The following ST8SIA1 variants were observed in gnomAD, a reference collection of about 807,000 sequenced individuals.
ST8SIA1 encodes the protein alpha-N-acetylneuraminide alpha-2,8-sialyltransferase.
Under a neutral mutation model 35.9 loss-of-function variants are expected in ST8SIA1, and 16 were observed. The observed-to-expected ratio is 0.45, with a 90% CI of 0.30 to 0.68. The LOEUF is 0.68. ST8SIA1 is among the 30% of genes least tolerant of loss of function. ST8SIA1 has a pLI of 0.09. For missense variants in ST8SIA1, 383 were observed against 453.6 expected (o/e 0.84, Z 1.41); for synonymous variants, 170 against 169.6 (o/e 1.00, Z -0.02).
chr12:22,270,306 A>C (rs1865897521), intron 2 of ST8SIA1, among the ~76,000 whole-genome samples: 1 of 152,204 alleles, frequency 6.6e-6, no homozygotes, highest in South Asian at 2.1e-4. Context: ...TGCATGCAAA[A>C]CATTTAGCAA....
At chr12:22,322,303 T>C (rs2728826) in intron 1 of ST8SIA1, among the ~76,000 whole-genome samples, 86,505 of 152,058 alleles carry the variant, frequency 0.57, 25,581 homozygotes, top group African/African-American at 0.73. Flanking sequence ...GTTTGCTGTA[T>C]GGGGGAAGGC....
chr12:22,231,226 A>G (rs930217038), intron 4 of ST8SIA1, among the ~76,000 whole-genome samples: 7 of 151,064 alleles, frequency 4.6e-5, no homozygotes, highest in Non-Finnish European at 7.4e-5. Context: ...GAATTAAATG[A>G]ACAATGTTGC....
chr12:22,212,971 A>G (rs1031740742), intron 4 of ST8SIA1, among the ~76,000 whole-genome samples: 1 of 152,138 alleles, frequency 6.6e-6, no homozygotes, highest in Admixed American at 6.5e-5. Context: ...TGTAAAACCT[A>G]AGACTGGTCT....
chr12:22,260,881 T>TC (rs1360290164), intron 2 of ST8SIA1, among the ~76,000 whole-genome samples: 1 of 147,210 alleles, frequency 6.8e-6, no homozygotes, highest in Non-Finnish European at 1.5e-5. Flanking sequence ...GTTGTTTTTT[T>TC]TTTTTTTTTT....
intron 2 of ST8SIA1, among the ~76,000 whole-genome samples, chr12:22,266,035 T>G (rs1197896769): frequency 1.3e-5 from 2 of 151,770 alleles, no homozygotes; most frequent in Non-Finnish European, 2.9e-5. Context: ...ACACCCAATA[T>G]TCCCTCCACA....
intron 1 of ST8SIA1, chr12:22,325,786 A>G (rs897618085): frequency 1.5e-6 from 1 of 680,488 alleles, no homozygotes; most frequent in Non-Finnish European, 2.6e-6. Flanking sequence ...TAGAACAATT[A>G]TAACAATATA....
intron 4 of ST8SIA1, among the ~76,000 whole-genome samples, chr12:22,232,447 G>A (rs576925046): frequency 9.9e-5 from 15 of 152,194 alleles, no homozygotes; most frequent in Non-Finnish European, 1.2e-4. Flanking sequence ...ATTTCTTTGA[G>A]ATGGGGAAAA....
chr12:22,292,986 GT>G (rs1710544487), intron 1 of ST8SIA1, among the ~76,000 whole-genome samples: 1 of 152,238 alleles, frequency 6.6e-6, no homozygotes, highest in African/African-American at 2.4e-5. Context: ...GAATTGCAAT[GT>G]GCATTTTGCT....
At chr12:22,228,854 G>A (rs972159683) in intron 4 of ST8SIA1, among the ~76,000 whole-genome samples, 1 of 152,092 alleles carries the variant, frequency 6.6e-6, no homozygotes, top group African/African-American at 2.4e-5. Context: ...AGGAGTTCAA[G>A]ACCAGCCTGG....
intron 2 of ST8SIA1, among the ~76,000 whole-genome samples, chr12:22,284,247 G>A (rs1186637829): frequency 6.6e-6 from 1 of 152,194 alleles, no homozygotes; most frequent in East Asian, 1.9e-4. Flanking sequence ...TAAGGGGCAA[G>A]TGTAAAGGTA....
intron 4 of ST8SIA1, among the ~76,000 whole-genome samples, chr12:22,214,990 G>GC (rs1865219764): frequency 6.6e-6 from 1 of 152,096 alleles, no homozygotes; most frequent in Admixed American, 6.6e-5. Context: ...ATATTGTGTA[G>GC]CTTTTCCCTG....
chr12:22,258,296 C>T (rs1382700373), intron 2 of ST8SIA1, among the ~76,000 whole-genome samples: 1 of 152,002 alleles, frequency 6.6e-6, no homozygotes, highest in Non-Finnish European at 1.5e-5. Flanking sequence ...GCATGATGTC[C>T]TTTAGATACC....
At chr12:22,304,389 TTC>T (rs1866358804) in intron 1 of ST8SIA1, among the ~76,000 whole-genome samples, 1 of 150,432 alleles carries the variant, frequency 6.6e-6, no homozygotes, top group South Asian at 2.1e-4. Flanking sequence ...GTTGACTGAA[TTC>T]TGTTTTCTTC....
At chr12:22,284,392 C>T (rs61605866) in intron 2 of ST8SIA1, among the ~76,000 whole-genome samples, 5,258 of 152,250 alleles carry the variant, frequency 0.035, 322 homozygotes, top group African/African-American at 0.12. Context: ...CACCTGCACA[C>T]GCTATTTTCT....
At chr12:22,250,128 C>A (rs1239290841) in intron 3 of ST8SIA1, among the ~76,000 whole-genome samples, 2 of 152,144 alleles carry the variant, frequency 1.3e-5, no homozygotes, top group Non-Finnish European at 2.9e-5. Flanking sequence ...CCACCCTGCC[C>A]CAGTTGCTCT....
At chr12:22,309,717 AG>A (rs1866427278) in intron 1 of ST8SIA1, among the ~76,000 whole-genome samples, 1 of 152,150 alleles carries the variant, frequency 6.6e-6, no homozygotes, top group Non-Finnish European at 1.5e-5. Flanking sequence ...ACACTTTATG[AG>A]AAATAAAGCT....
At chr12:22,301,148 A>T (rs1003942226) in intron 1 of ST8SIA1, among the ~76,000 whole-genome samples, 3 of 152,014 alleles carry the variant, frequency 2.0e-5, no homozygotes, top group Admixed American at 6.6e-5. Context: ...ATCCATGGAC[A>T]ATTATTGTCT....
intron 4 of ST8SIA1, among the ~76,000 whole-genome samples, chr12:22,206,877 AGTTT>A (rs1350005120): frequency 2.0e-5 from 3 of 152,208 alleles, no homozygotes; most frequent in African/African-American, 4.8e-5. Flanking sequence ...ATCTATAATT[AGTTT>A]GTTTATTCAT....
At chr12:22,253,842 G>GA (rs200212766) in intron 3 of ST8SIA1, among the ~76,000 whole-genome samples, 13 of 151,298 alleles carry the variant, frequency 8.6e-5, no homozygotes, top group East Asian at 5.8e-4. Context: ...CACCAAGTGA[G>GA]AAAAAAAAAT....
Sources: gnomAD v4.1 joint callset for allele counts (sites outside exome capture counted in the v4.1 genomes callset) on GRCh38, gnomAD v4.1.1 for gene constraint, MANE v1.5 for transcripts, NCBI Gene and HGNC (gene_info 2026-07-23, HGNC 2026-07-21) for gene names.